Variants in NLK observed in about 807,000 individuals in gnomAD.
NLK encodes nemo like kinase, also known as serine/threonine-protein kinase NLK.
A neutral mutation model predicts 59.0 loss-of-function variants in NLK; 11 were observed. The ratio of observed to expected loss-of-function variants is 0.19; its 90% CI spans 0.12 to 0.31. The LOEUF (loss-of-function observed/expected upper bound fraction) is 0.31. NLK is among the 10% of genes least tolerant of loss of function. The probability of loss-of-function intolerance (pLI) is 1.00; values close to 1 mark genes in which losing one functional copy is unlikely to be tolerated. For missense variants in NLK, 410 were observed against 661.1 expected, an observed-to-expected ratio of 0.62 and a Z score of 4.16; for synonymous variants, 235 against 235.9, an observed-to-expected ratio of 1.00 and a Z score of 0.03.
intron 1 of NLK, among the ~76,000 whole-genome samples, chr17:28,097,171 G>C (rs947493109): frequency 6.6e-6 from 1 of 151,982 alleles, no homozygotes; most frequent in South Asian, 2.1e-4. Flanking sequence ...CATATTATAA[G>C]TTATTTTTAT....
chr17:28,175,095 T>G (rs1236861416), intron 7 of NLK, among the ~76,000 whole-genome samples: 3 of 151,984 alleles, frequency 2.0e-5, no homozygotes, highest in African/African-American at 7.3e-5. Flanking sequence ...AGGGTTTAGC[T>G]TAGTGCTCTG....
intron 5 of NLK, among the ~76,000 whole-genome samples, chr17:28,165,280 G>A (rs909219238): frequency 6.6e-6 from 1 of 152,076 alleles, no homozygotes; most frequent in African/African-American, 2.4e-5. Flanking sequence ...GTTTTTGATT[G>A]GAAGACTTCA....
chr17:28,090,136 A>T (rs773487681), intron 1 of NLK, among the ~76,000 whole-genome samples: 41 of 152,140 alleles, frequency 2.7e-4, no homozygotes, highest in Non-Finnish European at 4.0e-4. Context: ...TATTTTAATG[A>T]TTGGCTTTAA....
chr17:28,049,122 A>G (rs1387003909), intron 1 of NLK, among the ~76,000 whole-genome samples: 2 of 152,258 alleles, frequency 1.3e-5, no homozygotes, highest in South Asian at 2.1e-4. Flanking sequence ...ATAACAAGTC[A>G]TGATAGACAT....
intron 1 of NLK, among the ~76,000 whole-genome samples, chr17:28,073,694 A>G (rs187210437): frequency 5.3e-5 from 8 of 152,240 alleles, no homozygotes; most frequent in Admixed American, 3.3e-4. Context: ...ACTGTGATAA[A>G]TTCATCCTCC....
At chr17:28,155,718 G>A (rs963059296) in intron 3 of NLK, among the ~76,000 whole-genome samples, 4 of 151,974 alleles carry the variant, frequency 2.6e-5, no homozygotes, top group Admixed American at 2.6e-4. Context: ...CTCATAGGTG[G>A]GAATTGAACA....
intron 1 of NLK, among the ~76,000 whole-genome samples, chr17:28,115,650 TTAAAAC>T (rs1027237724): frequency 6.6e-6 from 1 of 152,186 alleles, no homozygotes; most frequent in African/African-American, 2.4e-5. Flanking sequence ...TAGAAAAACT[TTAAAAC>T]TACTTCATCT....
intron 3 of NLK, among the ~76,000 whole-genome samples, chr17:28,158,059 A>G (rs1907854582): frequency 6.6e-6 from 1 of 152,178 alleles, no homozygotes; most frequent in Admixed American, 6.5e-5. Flanking sequence ...AATAACTACT[A>G]AGGGAAGAAG....
chr17:28,080,188 A>G (rs1018251846), intron 1 of NLK, among the ~76,000 whole-genome samples: 2 of 152,124 alleles, frequency 1.3e-5, no homozygotes, highest in Admixed American at 6.5e-5. Flanking sequence ...ACCGTCGCTC[A>G]TGTCTGTAAT....
intron 1 of NLK, among the ~76,000 whole-genome samples, chr17:28,075,691 C>T (rs550544673): frequency 6.6e-6 from 1 of 152,266 alleles, no homozygotes; most frequent in East Asian, 1.9e-4. Context: ...CAAATGTGCA[C>T]CCTCCTCAGT....
intron 3 of NLK, among the ~76,000 whole-genome samples, chr17:28,150,900 T>C (rs1202684968): frequency 6.6e-6 from 1 of 152,218 alleles, no homozygotes; most frequent in South Asian, 2.1e-4. Context: ...ACCTTAACTT[T>C]GGTCCTATAG....
intron 1 of NLK, among the ~76,000 whole-genome samples, chr17:28,091,697 G>A (rs1421400148): frequency 2.0e-5 from 3 of 151,952 alleles, no homozygotes; most frequent in African/African-American, 7.3e-5. Context: ...TCTCTAAAAC[G>A]ACACTCCAGT....
At chr17:28,122,831 A>G in intron 2 of NLK, 99 bp downstream of exon 2, 1 of 1,380,238 alleles carries the variant, frequency 7.2e-7, no homozygotes, top group East Asian at 2.3e-5. Context: ...TATAAGTAAA[A>G]TTTGGAAATT....
intron 1 of NLK, among the ~76,000 whole-genome samples, chr17:28,092,436 C>G (rs1904530905): frequency 6.6e-6 from 1 of 152,184 alleles, no homozygotes; most frequent in Non-Finnish European, 1.5e-5. Context: ...TAGGTGGGAG[C>G]TCTTCCATTT....
At chr17:28,203,709 G>C in the NLK span, among the ~76,000 whole-genome samples, 1 of 152,082 alleles carries the variant, frequency 6.6e-6, no homozygotes, top group South Asian at 2.1e-4. Context: ...GCTAATTTTT[G>C]TATTTTTAGT....
At chr17:28,178,643 C>A (rs1908778497) in intron 7 of NLK, among the ~76,000 whole-genome samples, 1 of 152,104 alleles carries the variant, frequency 6.6e-6, no homozygotes, top group South Asian at 2.1e-4. Flanking sequence ...AAATAGATAA[C>A]AATATTTTTG....
intron 1 of NLK, among the ~76,000 whole-genome samples, chr17:28,105,943 A>G (rs1171071987): frequency 6.6e-6 from 1 of 152,184 alleles, no homozygotes; most frequent in Non-Finnish European, 1.5e-5. Context: ...GCAATGTTTG[A>G]TGTTCCTATT....
At chr17:28,060,069 C>T (rs906664800) in intron 1 of NLK, among the ~76,000 whole-genome samples, 1 of 152,082 alleles carries the variant, frequency 6.6e-6, no homozygotes, top group African/African-American at 2.4e-5. Context: ...AAAAATGTAA[C>T]TGTCATGAGC....
chr17:28,203,083 G>T, the NLK span, among the ~76,000 whole-genome samples: 1 of 151,936 alleles, frequency 6.6e-6, no homozygotes, highest in Admixed American at 6.6e-5. Flanking sequence ...AGCTATGGGG[G>T]TTCTCCTTCT....
Sources: allele counts gnomAD v4.1 joint callset (sites outside exome capture counted in the v4.1 genomes callset), GRCh38; gene constraint gnomAD v4.1.1; transcripts MANE v1.5; gene names NCBI Gene and HGNC (gene_info 2026-07-23, HGNC 2026-07-21).